AMPH: variants seen among roughly 807,000 people sequenced by gnomAD.
AMPH encodes amphiphysin (Stiff-Mann syndrome with breast cancer 128kD autoantigen).
In AMPH, 49 loss-of-function variants were observed where a neutral mutation model predicts 99.1. The observed-to-expected ratio is 0.49, with a 90% CI of 0.39 to 0.63. The LOEUF (loss-of-function observed/expected upper bound fraction) is 0.63. Among genes scored for constraint, AMPH ranks in the 20% least tolerant of loss-of-function variants. The pLI is 0.00. For synonymous variants in AMPH, 314 were observed against 317.3 expected (o/e 0.99, Z 0.11); for missense variants, 759 against 863.4 (o/e 0.88, Z 1.52).
intron 2 of AMPH, among the ~76,000 whole-genome samples, chr7:38,511,492 T>C (rs1789539876): frequency 6.6e-6 from 1 of 152,128 alleles, no homozygotes; most frequent in Non-Finnish European, 1.5e-5. Flanking sequence ...TTTATGCAGA[T>C]GTAAAAGAAC....
intron 14 of AMPH, chr7:38,429,193 G>C: frequency 7.8e-7 from 1 of 1,289,792 alleles, no homozygotes; most frequent in South Asian, 1.2e-5. Context: ...TCTGAGTCAA[G>C]TGGGTCATAC....
At chr7:38,585,257 G>A (rs1792603653) in intron 1 of AMPH, among the ~76,000 whole-genome samples, 1 of 152,116 alleles carries the variant, frequency 6.6e-6, no homozygotes, top group African/African-American at 2.4e-5. Context: ...AAACTATTAG[G>A]AGGCAGTGCC....
Position 38,433,065 on chromosome 7 carries a change from G to A in AMPH, c.1135-853C>T, listed in dbSNP as rs180728577. 2.2e-4 allele frequency among the ~76,000 whole-genome samples: 33 copies of A among 152,294 alleles called. No individual in the cohort carries two copies. The East Asian group carries it at 4.1e-3, about 19-fold the overall frequency. ...GTCTTTGTGACTAGAATGGATCCAC[G>A]TTTATGCACTTATTTTGAACTACTA... On this transcript the variant is annotated intron_variant, in intron 12 of 20. Transcript: ENST00000356264.
At chr7:38,620,755 T>C (rs1233307230) in intron 1 of AMPH, among the ~76,000 whole-genome samples, 8 of 152,074 alleles carry the variant, frequency 5.3e-5, no homozygotes, top group African/African-American at 1.9e-4. Flanking sequence ...TCTCAACAAA[T>C]CCATGAAAGC....
At chr7:38,540,692 C>CA (rs373768495) in intron 1 of AMPH, among the ~76,000 whole-genome samples, 404 of 19,760 alleles carry the variant, frequency 0.02, 174 homozygotes, top group African/African-American at 0.03. Context: ...TGACCCCAAG[C>CA]AAAAAAAAAA....
intron 16 of AMPH, among the ~76,000 whole-genome samples, chr7:38,418,851 T>C (rs1200085640): frequency 6.6e-6 from 1 of 152,156 alleles, no homozygotes; most frequent in Non-Finnish European, 1.5e-5. Flanking sequence ...ATCAGGCTTC[T>C]GGCATCTCTT....
chr7:38,456,423 A>T (rs1157155512), intron 11 of AMPH, among the ~76,000 whole-genome samples: 1 of 152,194 alleles, frequency 6.6e-6, no homozygotes, highest in Non-Finnish European at 1.5e-5. Context: ...CTATTGGATC[A>T]ATCTTGTCAC....
chr7:38,590,577 C>T (rs1055179802), intron 1 of AMPH, among the ~76,000 whole-genome samples: 1 of 152,226 alleles, frequency 6.6e-6, no homozygotes, highest in Admixed American at 6.5e-5. Flanking sequence ...TGTCCCTCCC[C>T]CTGTGCTCTC....
At chr7:38,409,416 G>A (rs773810816) in intron 17 of AMPH, among the ~76,000 whole-genome samples, 11 of 152,162 alleles carry the variant, frequency 7.2e-5, no homozygotes, top group Non-Finnish European at 1.3e-4. Context: ...GCACAGGCTG[G>A]TGACTGGTAA....
intron 1 of AMPH, among the ~76,000 whole-genome samples, chr7:38,630,026 G>A (rs1438666226): frequency 6.6e-6 from 1 of 152,188 alleles, no homozygotes; most frequent in Non-Finnish European, 1.5e-5. Flanking sequence ...TGCCCCCTCT[G>A]CTCAGCAACT....
At chr7:38,607,351 C>T (rs566418223) in intron 1 of AMPH, among the ~76,000 whole-genome samples, 1 of 152,314 alleles carries the variant, frequency 6.6e-6, no homozygotes, top group African/African-American at 2.4e-5. Context: ...TCCACTTTAG[C>T]TAAATTTCCA....
At chr7:38,577,780 G>A (rs1183592257) in intron 1 of AMPH, among the ~76,000 whole-genome samples, 1 of 150,996 alleles carries the variant, frequency 6.6e-6, no homozygotes, top group Non-Finnish European at 1.5e-5. Context: ...GAGAGAAAGA[G>A]AAGGAGGAAG....
At chr7:38,384,992 A>G in intron 20 of AMPH, 67 bp from the exon 21 acceptor site, 4 of 1,355,718 alleles carry the variant, frequency 3.0e-6, no homozygotes, top group Non-Finnish European at 4.2e-6. Flanking sequence ...GCCACAATTA[A>G]TTAATAATGT....
intron 15 of AMPH, among the ~76,000 whole-genome samples, chr7:38,426,298 G>A (rs1785780222): frequency 6.6e-6 from 1 of 152,146 alleles, no homozygotes; most frequent in African/African-American, 2.4e-5. Flanking sequence ...CTTTTACACA[G>A]GTTACACCTG....
intron 5 of AMPH, among the ~76,000 whole-genome samples, chr7:38,482,211 T>G (rs1343848467): frequency 2.0e-5 from 3 of 152,138 alleles, no homozygotes. Context: ...TCCAGTTTCC[T>G]AAATGTGGCT....
chr7:38,535,066 T>C (rs781306160), intron 1 of AMPH, 55 bp from the exon 2 acceptor site: 3 of 1,512,944 alleles, frequency 2.0e-6, no homozygotes, highest in South Asian at 2.3e-5. Context: ...CAAAGAAAGA[T>C]GTGCATTTTC....
chr7:38,623,674 A>G (rs1195846581), intron 1 of AMPH, among the ~76,000 whole-genome samples: 1 of 152,200 alleles, frequency 6.6e-6, no homozygotes, highest in Non-Finnish European at 1.5e-5. Flanking sequence ...TCTTCTACAG[A>G]TGGGCCCTGG....
intron 2 of AMPH, among the ~76,000 whole-genome samples, chr7:38,506,873 A>G (rs1789344746): frequency 6.6e-6 from 1 of 152,222 alleles, no homozygotes; most frequent in South Asian, 2.1e-4. Flanking sequence ...ATTCTGCTGT[A>G]CCAGTCATGG....
intron 1 of AMPH, among the ~76,000 whole-genome samples, chr7:38,565,148 C>G (rs114306784): frequency 2.2e-4 from 33 of 151,138 alleles, no homozygotes; most frequent in Non-Finnish European, 3.8e-4. Flanking sequence ...AAGAAAAGAA[C>G]CTTCCTGGGA....
Sources: allele counts gnomAD v4.1 joint callset (sites outside exome capture counted in the v4.1 genomes callset), GRCh38; gene constraint gnomAD v4.1.1; transcripts MANE v1.5; gene names NCBI Gene and HGNC (gene_info 2026-07-23, HGNC 2026-07-21).